The following NCOA6 variants were observed in gnomAD, a reference collection of about 807,000 sequenced individuals.
The protein encoded by NCOA6 is nuclear receptor coactivator 6.
NCOA6 carries 49 observed loss-of-function variants against 171.4 expected under a neutral mutation model. The ratio of observed to expected loss-of-function variants is 0.29; its 90% confidence interval spans 0.23 to 0.36. The LOEUF (loss-of-function observed/expected upper bound fraction) is 0.36. Among genes scored for constraint, NCOA6 ranks in the 10% least tolerant of loss-of-function variants. The pLI is 1.00. For synonymous variants in NCOA6, 910 were observed against 927.5 expected, an observed-to-expected ratio of 0.98 and a Z score of 0.34; for missense variants, 2,248 against 2,554.5, an observed-to-expected ratio of 0.88 and a Z score of 2.59.
chr20:34,819,139 T>TC (rs1210539283), intron 1 of NCOA6, among the ~76,000 whole-genome samples: 4 of 151,832 alleles, frequency 2.6e-5, no homozygotes, highest in Admixed American at 1.3e-4. Flanking sequence ...TTTCTGGCCA[T>TC]CCCCCCCACC....
intron 14 of NCOA6, among the ~76,000 whole-genome samples, chr20:34,725,457 T>C (rs545511191): frequency 2.0e-5 from 3 of 152,248 alleles, no homozygotes; most frequent in East Asian, 3.9e-4. Context: ...CTGCAACATA[T>C]GCACAGGCTT....
rs546005573 is a variant in NCOA6, at chr20:34,796,256, T to C, written c.-163-3693A>G. Among the ~76,000 whole-genome samples the C allele has an allele frequency of 2.0e-4, 31 of 151,788 alleles. No individual in the cohort carries two copies. The South Asian group carries it at 4.4e-3, about 22-fold the overall frequency. On this transcript the variant is annotated intron_variant, in intron 1 of 14. Transcript: ENST00000359003. ...AACTCCTAGGCTCAAGCAATCCTCC[T>C]GCCTCGGCCTCCCAAAGTGCTGGGA...
chr20:34,758,085 G>T lies in NCOA6; in HGVS notation c.663C>A (p.Leu221=), dbSNP rs201505300. ...TTTGCTGCTGTATATGGAGCCCAGA[G>T]AGGAGTGGATCCATTGCATCTGTTT... ...ASQSDAMDPL[L]SGLHIQQQSH... is the part of the protein sequence containing the mutation. The change falls in exon 7 of 15, where the codon CTC becomes CTA. Residue 221 remains leucine, a synonymous_variant. Coordinates refer to ENST00000359003, the MANE Select transcript of NCOA6 (RefSeq NM_014071.5). 16 of 1,611,688 alleles carry T rather than the reference G, an allele frequency of 9.9e-6. No individual in the cohort carries two copies. The highest frequency in any genetic ancestry group is 1.4e-5 in the Non-Finnish European group (16 of 1,178,116).
chr20:34,724,791 CTTT>C (rs200702546), intron 14 of NCOA6, among the ~76,000 whole-genome samples: 1 of 142,800 alleles, frequency 7.0e-6, no homozygotes. Flanking sequence ...AAGACAGAGA[CTTT>C]TTTTTTTTTT....
intron 2 of NCOA6, among the ~76,000 whole-genome samples, chr20:34,789,655 C>T (rs1036906135): frequency 3.3e-5 from 5 of 152,000 alleles, no homozygotes; most frequent in Admixed American, 6.6e-5. Context: ...TGCCTGTAGT[C>T]CCAGCAACTC....
chr20:34,812,605 G>A (rs535364125), intron 1 of NCOA6, among the ~76,000 whole-genome samples: 2 of 152,146 alleles, frequency 1.3e-5, no homozygotes, highest in East Asian at 3.9e-4. Context: ...CCGTAAGTCA[G>A]AGGCTCAGTG....
At position 34,768,463 on chromosome 20, in the gene NCOA6, C is replaced by T. The variant is rs1189732065; in HGVS notation, c.514+1G>A. ...TCATACAATTGAGTGGGAGGTCTTA[C>T]CTGGACCACTTGCCATAGGAAATCC... On this transcript the variant is annotated splice_donor_variant, in intron 5 of 14. Transcript: ENST00000359003. LOFTEE classifies it high-confidence loss of function. The T allele has an allele frequency of 6.2e-7, 1 of 1,614,004 alleles. No homozygotes were observed. Among genetic ancestry groups the T allele is most frequent in the Non-Finnish European group, 8.5e-7 (1 of 1,179,968 alleles).
At chr20:34,736,448 TG>T (rs764961833) in intron 12 of NCOA6, among the ~76,000 whole-genome samples, 8 of 152,186 alleles carry the variant, frequency 5.3e-5, no homozygotes, top group Non-Finnish European at 7.3e-5. Flanking sequence ...GGCACGGAAT[TG>T]CCCTTCTTGA....
intron 10 of NCOA6, among the ~76,000 whole-genome samples, chr20:34,744,874 G>A (rs1006473740): frequency 6.6e-6 from 1 of 152,158 alleles, no homozygotes; most frequent in Non-Finnish European, 1.5e-5. Context: ...TGACATGGAT[G>A]CCTTTTATCT....
intron 5 of NCOA6, among the ~76,000 whole-genome samples, chr20:34,760,984 G>GTCTA (rs1568799174): frequency 1.6e-4 from 25 of 152,214 alleles, no homozygotes; most frequent in Middle Eastern, 3.4e-3. Context: ...ACTTTGGGAG[G>GTCTA]CTGAGGCAGG....
chr20:34,808,698 G>A (rs780768238), intron 1 of NCOA6, among the ~76,000 whole-genome samples: 67 of 152,110 alleles, frequency 4.4e-4, no homozygotes, highest in African/African-American at 1.2e-3. Flanking sequence ...TCGACCTCCC[G>A]AAGTGCTGGG....
chr20:34,796,630 C>G (rs2078085500), intron 1 of NCOA6, among the ~76,000 whole-genome samples: 1 of 151,908 alleles, frequency 6.6e-6, no homozygotes, highest in South Asian at 2.1e-4. Flanking sequence ...CCAGGCAACA[C>G]AGTGAGATAT....
intron 5 of NCOA6, 81 bp downstream of exon 5, chr20:34,768,383 C>T: frequency 1.3e-6 from 2 of 1,544,590 alleles, no homozygotes; most frequent in Non-Finnish European, 1.8e-6. Context: ...GAACCCCCAC[C>T]TATCTTGCAG....
intron 2 of NCOA6, among the ~76,000 whole-genome samples, chr20:34,785,228 C>G (rs1445497496): frequency 6.6e-6 from 1 of 151,930 alleles, no homozygotes; most frequent in Non-Finnish European, 1.5e-5. Flanking sequence ...CAAATTTGAG[C>G]AGAGCACCTT....
At chr20:34,791,286 T>C (rs1460809125) in intron 2 of NCOA6, among the ~76,000 whole-genome samples, 1 of 152,258 alleles carries the variant, frequency 6.6e-6, no homozygotes, top group East Asian at 1.9e-4. Flanking sequence ...AGAAAAGTAT[T>C]TTCCCTAGGT....
chr20:34,754,193 G>A (rs1180476754), intron 8 of NCOA6, among the ~76,000 whole-genome samples: 3 of 152,306 alleles, frequency 2.0e-5, no homozygotes, highest in East Asian at 3.9e-4. Context: ...AAAAGTTGCA[G>A]TTGTCCAAAC....
chr20:34,793,048 G>C (rs948543291), intron 1 of NCOA6, among the ~76,000 whole-genome samples: 1 of 152,020 alleles, frequency 6.6e-6, no homozygotes, highest in Non-Finnish European at 1.5e-5. Context: ...CTCCCAAAGT[G>C]CTGAGATTAC....
rs553771673 is a variant in NCOA6 at position 34,752,927 on chromosome 20, A to C, written c.1675+1795T>G. ...AAAACTCCATCTCAAAAAAAAAAAA[A>C]AACACACACAAAGAAAACAAACAAA... On this transcript the variant is annotated intron_variant, in intron 8 of 14. Transcript: ENST00000359003. Among the ~76,000 whole-genome samples the C allele has an allele frequency of 6.9e-4, 104 of 151,680 alleles. 2 individuals carry two copies. The highest frequency in any genetic ancestry group is 2.2e-3 in the African/African-American group (92 of 41,450).
At chr20:34,820,205 A>G (rs1224441443) in intron 1 of NCOA6, 1 of 151,782 alleles carries the variant, frequency 6.6e-6, no homozygotes, top group East Asian at 1.9e-4. Flanking sequence ...AACATGGCGA[A>G]ACCCCGCCTC....
Sources: gnomAD v4.1 joint callset for allele counts (sites outside exome capture counted in the v4.1 genomes callset) on GRCh38, gnomAD v4.1.1 for gene constraint, MANE v1.5 for transcripts, NCBI Gene and HGNC (gene_info 2026-07-23, HGNC 2026-07-21) for gene names.